ULK4: variants seen among roughly 807,000 people sequenced by gnomAD.
ULK4 encodes the protein inactive serine/threonine-protein kinase ULK4.
A neutral mutation model predicts 160.6 loss-of-function variants in ULK4; 133 were observed. The observed-to-expected ratio is 0.83, with a 90% CI of 0.72 to 0.96. ULK4 has a LOEUF of 0.96. ULK4 is among the 40% of genes least tolerant of loss of function. ULK4 has a pLI of 0.00. For synonymous variants in ULK4, 534 were observed against 539.8 expected (o/e 0.99, Z 0.15); for missense variants, 1,580 against 1,499.5 (o/e 1.05, Z -0.89).
intron 3 of ULK4, among the ~76,000 whole-genome samples, chr3:41,936,731 G>A (rs1397160418): frequency 6.6e-6 from 1 of 152,162 alleles, no homozygotes; most frequent in Non-Finnish European, 1.5e-5. Flanking sequence ...TGGAATCATG[G>A]AGATAGAGAA....
chr3:41,699,427 G>A (rs1005117802), intron 27 of ULK4, among the ~76,000 whole-genome samples: 1 of 152,158 alleles, frequency 6.6e-6, no homozygotes, highest in Non-Finnish European at 1.5e-5. Context: ...TATGTATACT[G>A]CAGCCAGAAT....
intron 5 of ULK4, among the ~76,000 whole-genome samples, chr3:41,929,046 A>T (rs777265959): frequency 3.3e-4 from 51 of 152,244 alleles, no homozygotes; most frequent in Non-Finnish European, 6.6e-4. Context: ...AAAAAAAAAA[A>T]ATTTCAGGCC....
intron 35 of ULK4, among the ~76,000 whole-genome samples, chr3:41,394,682 C>A (rs1044895435): frequency 3.3e-5 from 5 of 151,976 alleles, no homozygotes; most frequent in Admixed American, 3.3e-4. Flanking sequence ...GAATTTGAAC[C>A]CTGGCAAATT....
At chr3:41,463,063 G>A in intron 33 of ULK4, 24 bp downstream of exon 33, 3 of 1,609,778 alleles carry the variant, frequency 1.9e-6, no homozygotes, top group Non-Finnish European at 2.5e-6. Context: ...GGCTGCTCAA[G>A]ACACAGGAAA....
chr3:41,745,751 C>T (rs2038398362), intron 22 of ULK4, among the ~76,000 whole-genome samples: 1 of 151,322 alleles, frequency 6.6e-6, no homozygotes, highest in African/African-American at 2.4e-5. Context: ...GGGAAAAAAT[C>T]CTCAACAAAA....
intron 4 of ULK4, among the ~76,000 whole-genome samples, chr3:41,934,723 A>C (rs1291336192): frequency 1.3e-5 from 2 of 152,202 alleles, no homozygotes; most frequent in African/African-American, 4.8e-5. Flanking sequence ...ACTGAAGCAC[A>C]TTTAGTTATG....
intron 30 of ULK4, among the ~76,000 whole-genome samples, chr3:41,655,189 T>C (rs1438612225): frequency 6.6e-6 from 1 of 151,874 alleles, no homozygotes; most frequent in Non-Finnish European, 1.5e-5. Context: ...CATGGAATGC[T>C]ACGCAGCCAT....
At chr3:41,696,169 A>ACT (rs2036492323) in intron 27 of ULK4, among the ~76,000 whole-genome samples, 1 of 151,272 alleles carries the variant, frequency 6.6e-6, no homozygotes, top group East Asian at 1.9e-4. Context: ...GGAAGGCCTG[A>ACT]CATGAGTCAG....
At chr3:41,805,075 G>A (rs1421072408) in intron 19 of ULK4, among the ~76,000 whole-genome samples, 1 of 152,190 alleles carries the variant, frequency 6.6e-6, no homozygotes, top group African/African-American at 2.4e-5. Flanking sequence ...ATCTTGGGCA[G>A]TATGGCCATT....
intron 2 of ULK4, among the ~76,000 whole-genome samples, chr3:41,941,648 T>G (rs1699959332): frequency 6.9e-6 from 1 of 145,232 alleles, no homozygotes; most frequent in Non-Finnish European, 1.5e-5. Context: ...TCCCAGCTAC[T>G]AGGGAGGCTG....
intron 25 of ULK4, among the ~76,000 whole-genome samples, 178 bp from the exon 26 acceptor site, chr3:41,705,483 A>C (rs1046657371): frequency 6.6e-6 from 1 of 152,104 alleles, no homozygotes. Context: ...TAATATACAT[A>C]AAGTCTAAAC....
At chr3:41,638,928 A>G (rs1406305554) in intron 30 of ULK4, among the ~76,000 whole-genome samples, 1 of 152,252 alleles carries the variant, frequency 6.6e-6, no homozygotes, top group Non-Finnish European at 1.5e-5. Context: ...TAACATCAAA[A>G]AAGAATTCAC....
chr3:41,630,358 T>C (rs2033693222), intron 30 of ULK4, among the ~76,000 whole-genome samples: 1 of 152,186 alleles, frequency 6.6e-6, no homozygotes, highest in South Asian at 2.1e-4. Context: ...GAAGTCCTCA[T>C]TTCCTTGCTG....
At chr3:41,447,634 C>T (rs1454631977) in intron 34 of ULK4, among the ~76,000 whole-genome samples, 2 of 152,148 alleles carry the variant, frequency 1.3e-5, no homozygotes, top group Non-Finnish European at 2.9e-5. Flanking sequence ...GATGCTGTGG[C>T]ATCTATTTTG....
chr3:41,894,975 C>A (rs557821055), intron 16 of ULK4, among the ~76,000 whole-genome samples: 1 of 152,186 alleles, frequency 6.6e-6, no homozygotes, highest in East Asian at 1.9e-4. Flanking sequence ...AATCATAATC[C>A]CATTAGATTG....
chr3:41,959,470 T>C (rs940963549), intron 1 of ULK4, among the ~76,000 whole-genome samples: 5 of 151,328 alleles, frequency 3.3e-5, no homozygotes, highest in African/African-American at 1.2e-4. Context: ...CAGGTTGCAG[T>C]GAGCCGATTG....
At chr3:41,546,922 A>G (rs1373976995) in intron 32 of ULK4, among the ~76,000 whole-genome samples, 1 of 152,094 alleles carries the variant, frequency 6.6e-6, no homozygotes, top group Non-Finnish European at 1.5e-5. Flanking sequence ...GTCAGCTATC[A>G]TTTGTATTGC....
At chr3:41,751,552 G>A (rs2038629201) in intron 22 of ULK4, among the ~76,000 whole-genome samples, 1 of 152,134 alleles carries the variant, frequency 6.6e-6, no homozygotes, top group Admixed American at 6.5e-5. Flanking sequence ...GTCAGTGTCA[G>A]GGGCATGCCT....
intron 25 of ULK4, among the ~76,000 whole-genome samples, chr3:41,706,346 ATAATATATATATATTTATATATATATT>A (rs1179026498): frequency 2.1e-5 from 3 of 144,538 alleles, no homozygotes; most frequent in Non-Finnish European, 4.5e-5. Context: ...AATAAACAAA[ATAATATATATATATTTATATATATATT>A]TAATATATAT....
Sources: gnomAD v4.1 joint callset for allele counts (sites outside exome capture counted in the v4.1 genomes callset) on GRCh38, gnomAD v4.1.1 for gene constraint, MANE v1.5 for transcripts, NCBI Gene and HGNC (gene_info 2026-07-23, HGNC 2026-07-21) for gene names.